Variants in POLR2H observed in about 807,000 individuals in gnomAD.
POLR2H encodes DNA-directed RNA polymerases I, II, and III subunit RPABC3.
A neutral mutation model predicts 18.1 loss-of-function variants in POLR2H; 3 were observed. That is an observed-to-expected ratio of 0.17 (90% CI 0.08 to 0.43). The LOEUF (loss-of-function observed/expected upper bound fraction) is 0.43, where lower values mean the gene tolerates loss of function less well. POLR2H is among the 20% of genes least tolerant of loss of function. The pLI is 0.99. For synonymous variants in POLR2H, 76 were observed against 69.0 expected, an observed-to-expected ratio of 1.10 and a Z score of -0.50; for missense variants, 103 against 184.6, an observed-to-expected ratio of 0.56 and a Z score of 2.56.
At position 184,361,769 on chromosome 3, in the gene POLR2H, AG is replaced by A. The variant is rs1377686905; in HGVS notation, c.-994del. The A allele has an allele frequency of 6.0e-6, 1 of 167,982 alleles. No homozygotes were observed. Among genetic ancestry groups the A allele is most frequent in the Non-Finnish European group, 1.3e-5 (1 of 78,966 alleles). The allele number at this position is 167,982 out of a possible 1,614,324, so 10.4% of individuals were successfully genotyped here. ...GCGCGGGGCCTCCCGAGAGGCGGCA[AG>A]GGGCGCTGGGAAGGCGCAAGCCCGC... On this transcript the variant is annotated 5_prime_UTR_variant, in exon 1 of 6. Transcript: ENST00000456318. The surrounding 1 kb of genome is among the most constrained non-coding windows in gnomAD (Gnocchi z 6.6).
At position 184,363,173 on chromosome 3, in the gene POLR2H, C is replaced by A. The variant is rs1234507199; in HGVS notation, c.-320C>A. 2.4e-6 allele frequency: 1 copy of A among 418,214 alleles called. No homozygotes were observed. The highest frequency in any genetic ancestry group is 4.5e-6 in the Non-Finnish European group (1 of 222,948). 25.9% of individuals were successfully genotyped at this position (418,214 alleles called of 1,614,324 possible). On this transcript the variant is annotated 5_prime_UTR_variant, in exon 2 of 6. Transcript: ENST00000456318. The stretch of plus-strand genomic sequence containing the variant: ...CTCTGAAGAGGGCGCAGTAGGGCCC[C>A]AGCGGAGCGCGAGAACCCGCTCTAC...
In POLR2H at chr3:184,365,482, G is replaced by A. The variant is rs535776929; in HGVS notation, c.251+256G>A. 12 of 440,422 alleles carry A rather than the reference G, an allele frequency of 2.7e-5. 1 individual carries two copies. Among genetic ancestry groups the A allele is most frequent in the East Asian group, 1.9e-4 (5 of 26,804 alleles). 27.3% of individuals were successfully genotyped at this position (440,422 alleles called of 1,614,324 possible). ...TCAAGACCAGCCTGAGCAACATAGC[G>A]AAACCTCACTGCTACAAAAAAGAAG... is the stretch of plus-strand genomic sequence containing the variant. On this transcript the variant is annotated intron_variant, in intron 4 of 5. Transcript: ENST00000456318.
At chr3:184,365,511 G>GAA in intron 4 of POLR2H, 115 of 260,570 alleles carry the variant, frequency 4.4e-4, no homozygotes, top group East Asian at 6.5e-4. Flanking sequence ...AAAGAAGAGA[G>GAA]AAAAAAAAAA....
At position 184,363,354 on chromosome 3, in the gene POLR2H, A is replaced by T; in HGVS notation, c.-139A>T. On this transcript the variant is annotated 5_prime_UTR_variant, in exon 2 of 6. An upstream start codon of the reference 5' UTR is lost. Coordinates refer to ENST00000456318, the MANE Select transcript of POLR2H (RefSeq NM_006232.5). ...GTCGCGTTACCGCTTGTTTGTGCGC[A>T]TGCGCCACTCTCGTCTGGCCGCCGC... The T allele has an allele frequency of 2.8e-6, 2 of 715,652 alleles. No individual in the cohort carries two copies. Among genetic ancestry groups the T allele is most frequent in the Non-Finnish European group, 5.0e-6 (2 of 397,528 alleles). 44.3% of individuals were successfully genotyped at this position (715,652 alleles called of 1,614,324 possible).
rs769304241 is a variant in POLR2H, at chr3:184,363,483, C to A, written c.-10C>A. ...CTCACCCCTTCTGCTGCTCTCGTGG[C>A]CCCCTCGCGATGGCGGGCATCCTGT... On this transcript the variant is annotated 5_prime_UTR_variant, in exon 2 of 6. Transcript: ENST00000456318. 1.2e-6 allele frequency: 2 copies of A among 1,612,280 alleles called. No individual in the cohort carries two copies. The highest frequency in any genetic ancestry group is 1.7e-6 in the Non-Finnish European group (2 of 1,178,454).
Position 184,363,412 on chromosome 3 carries a change from C to G in POLR2H, c.-81C>G. The G allele has an allele frequency of 1.7e-6, 2 of 1,196,894 alleles. No individual in the cohort carries two copies. Among genetic ancestry groups the G allele is most frequent in the Middle Eastern group, 1.9e-4 (1 of 5,280 alleles). 74.1% of individuals were successfully genotyped at this position (1,196,894 alleles called of 1,614,324 possible). A position where few individuals can be genotyped will look rare whatever the true frequency, so the allele number is the denominator to read the frequency against. ...GGAGGTGCTTTTGGTTCTCTCCGGT[C>G]TTGTCCACGCTAGGGGGTGCACGTA... On this transcript the variant is annotated 5_prime_UTR_variant, in exon 2 of 6. Coordinates refer to ENST00000456318, the MANE Select transcript of POLR2H (RefSeq NM_006232.5).
In POLR2H at chr3:184,363,606, A is replaced by C. The variant is rs770639819; in HGVS notation, c.73+41A>C. On this transcript the variant is annotated intron_variant, in intron 2 of 5. Coordinates refer to ENST00000456318, the MANE Select transcript of POLR2H (RefSeq NM_006232.5). ...AGGGGCGGTTTGGAGGAAGAGGCTAACCTCGCGGACATGCCCCTGGGCCCC... is the reference window on the plus strand; with the variant it reads ...AGGGGCGGTTTGGAGGAAGAGGCTACCCTCGCGGACATGCCCCTGGGCCCC... The C allele has an allele frequency of 2.6e-6, 4 of 1,530,024 alleles. No individual in the cohort carries two copies. The South Asian group carries it at 3.4e-5, about 13-fold the overall frequency. The allele number at this position is 1,530,024 out of a possible 1,614,324, so 94.8% of individuals were successfully genotyped here.
At chr3:184,365,955 G>A (rs1474093619) in intron 4 of POLR2H, among the ~76,000 whole-genome samples, 13 of 139,248 alleles carry the variant, frequency 9.3e-5, no homozygotes, top group Admixed American at 8.2e-4. Context: ...CAGCCTGGGC[G>A]ACAGAGCGAG....
rs1268013958 is a variant in POLR2H, at chr3:184,364,933, T to G, written c.74-33T>G. ...CACACTGTAGGATCTGCCTTGGCAATACCTCTGTCACTCTTTTCCTGCTTC... is the reference window on the plus strand; with the variant it reads ...CACACTGTAGGATCTGCCTTGGCAAGACCTCTGTCACTCTTTTCCTGCTTC... On this transcript the variant is annotated intron_variant, in intron 2 of 5. Coordinates refer to ENST00000456318, the MANE Select transcript of POLR2H (RefSeq NM_006232.5). The G allele has an allele frequency of 2.7e-6, 4 of 1,461,100 alleles. No individual in the cohort carries two copies. In the African/African-American group the frequency reaches 5.6e-5, roughly 20 times the overall value. 90.5% of individuals were successfully genotyped at this position (1,461,100 alleles called of 1,614,324 possible).
intron 4 of POLR2H, 121 bp from the exon 5 acceptor site, chr3:184,366,596 C>T (rs1373877065): frequency 3.3e-6 from 2 of 599,368 alleles, no homozygotes; most frequent in East Asian, 6.3e-5. Flanking sequence ...CCTTGGCCTC[C>T]CAAAGTGCTG....
chr3:184,363,934 C>G (rs1435514819), intron 2 of POLR2H, among the ~76,000 whole-genome samples: 1 of 152,142 alleles, frequency 6.6e-6, no homozygotes, highest in Admixed American at 6.5e-5. Context: ...GCCTGTAATC[C>G]CAGCTACTTG....
Position 184,368,466 on chromosome 3 carries a change from C to G in POLR2H, c.*172C>G, listed in dbSNP as rs1023477823. On this transcript the variant is annotated 3_prime_UTR_variant, in exon 6 of 6. Transcript: ENST00000456318. Reference sequence around the variant, plus strand: ...GGGAAACTGACTCGCCTGTGAAAGACACAGTGGGAGAGCTGAAAATGAATC... The same window carrying G: ...GGGAAACTGACTCGCCTGTGAAAGAGACAGTGGGAGAGCTGAAAATGAATC... 2.0e-6 allele frequency: 1 copy of G among 498,716 alleles called. No homozygotes were observed. Among genetic ancestry groups the G allele is most frequent in the Admixed American group, 3.5e-5 (1 of 28,286 alleles). The allele number at this position is 498,716 out of a possible 1,614,324, so 30.9% of individuals were successfully genotyped here.
chr3:184,367,620 G>A (rs964650191), intron 5 of POLR2H, among the ~76,000 whole-genome samples: 1 of 151,734 alleles, frequency 6.6e-6, no homozygotes, highest in African/African-American at 2.4e-5. Flanking sequence ...CTGAGTAGCT[G>A]GGACTACAGG....
At chr3:184,366,876 T>C (rs906223904) in intron 5 of POLR2H, 76 bp downstream of exon 5, 10 of 882,130 alleles carry the variant, frequency 1.1e-5, no homozygotes, top group Non-Finnish European at 1.7e-5. Flanking sequence ...CTGCTTCCTC[T>C]GTTGAGTCCC....
chr3:184,366,692 T>C (rs754721960), intron 4 of POLR2H, 25 bp from the exon 5 acceptor site: 18 of 1,343,546 alleles, frequency 1.3e-5, no homozygotes, highest in Non-Finnish European at 1.8e-5. Flanking sequence ...CTGTTAAGAA[T>C]AACTTTGCTG....
chr3:184,364,886 A>T (rs903327305), intron 2 of POLR2H, 80 bp from the exon 3 acceptor site: 18 of 901,456 alleles, frequency 2.0e-5, no homozygotes, highest in Middle Eastern at 2.2e-4. Context: ...GGTTAGATTG[A>T]GTATCCTGTT....
intron 4 of POLR2H, among the ~76,000 whole-genome samples, chr3:184,366,149 A>T (rs552366880): frequency 6.6e-6 from 1 of 152,058 alleles, no homozygotes; most frequent in African/African-American, 2.4e-5. Context: ...AGACTTTGGC[A>T]CCCCACTTGA....
Position 184,368,369 on chromosome 3 carries a change from C to G in POLR2H, c.*75C>G. The G allele has an allele frequency of 7.9e-7, 1 of 1,261,542 alleles. No homozygotes were observed. 78.1% of individuals were successfully genotyped at this position (1,261,542 alleles called of 1,614,324 possible). A position where few individuals can be genotyped will look rare whatever the true frequency, so the allele number is the denominator to read the frequency against. ...TGTTCAAGCCTGAGTGGCAGCCGCT[C>G]TTGCTCACCTGTTGAGGAAGGGCTG... On this transcript the variant is annotated 3_prime_UTR_variant, in exon 6 of 6. Coordinates refer to ENST00000456318, the MANE Select transcript of POLR2H (RefSeq NM_006232.5).
At chr3:184,363,789 C>T (rs759979755) in intron 2 of POLR2H, among the ~76,000 whole-genome samples, 1 of 152,212 alleles carries the variant, frequency 6.6e-6, no homozygotes, top group Non-Finnish European at 1.5e-5. Flanking sequence ...TGTCATGGTG[C>T]TGGCAAACTC....
Sources: gnomAD v4.1 joint callset for allele counts (sites outside exome capture counted in the v4.1 genomes callset) on GRCh38, gnomAD v4.1.1 for gene constraint, Gnocchi (gnomAD v3.1) non-coding constraint, MANE v1.5 for transcripts, NCBI Gene and HGNC (gene_info 2026-07-23, HGNC 2026-07-21) for gene names.